The following TMEM200B variants were observed in gnomAD, a reference collection of about 807,000 sequenced individuals.
The protein encoded by TMEM200B is transmembrane protein TTMA.
TMEM200B carries 12 observed loss-of-function variants against 17.6 expected under a neutral mutation model. The observed-to-expected ratio is 0.68, with a 90% CI of 0.44 to 1.11. The LOEUF (loss-of-function observed/expected upper bound fraction) is 1.11. Ranked by LOEUF, TMEM200B falls within the 50% of genes least tolerant of loss-of-function variation. TMEM200B has a pLI of 0.00. For missense variants in TMEM200B, 456 were observed against 447.6 expected (o/e 1.02, Z -0.17); for synonymous variants, 234 against 209.2 (o/e 1.12, Z -1.02).
In TMEM200B at chr1:29,121,615, C is replaced by T; in HGVS notation, c.214G>A (p.Ala72Thr). 1.3e-6 allele frequency: 2 copies of T among 1,495,190 alleles called. No individual in the cohort carries two copies. The highest frequency in any genetic ancestry group is 1.8e-6 in the Non-Finnish European group (2 of 1,132,108). 92.6% of individuals were successfully genotyped at this position (1,495,190 alleles called of 1,614,324 possible). A position where few individuals can be genotyped will look rare whatever the true frequency, so the allele number is the denominator to read the frequency against. ...CCGGCCCGGTGCGGCCAGTAGCCGG[C>T]CACTGCAATGCCCATACCCACCAGT... ...VVLVGMGIAV[A>T]GYWPHRAGAP... Residue 72 changes from alanine (A) to threonine (T), a missense_variant, in exon 2 of 2, where the codon GCC (alanine) becomes ACC (threonine). Ala to Thr is a moderately conservative substitution (Grantham distance 58, BLOSUM62 0). Coordinates refer to ENST00000521452, the MANE Select transcript of TMEM200B (RefSeq NM_001003682.4). The surrounding 1 kb of genome is among the most constrained non-coding windows in gnomAD (Gnocchi z 5.6).
chr1:29,122,936 C>A (rs998854856), intron 1 of TMEM200B, among the ~76,000 whole-genome samples: 2 of 152,248 alleles, frequency 1.3e-5, no homozygotes, highest in African/African-American at 2.4e-5. Flanking sequence ...GAGCTGCGTG[C>A]GGTGTGGCCC....
chr1:29,121,863 TG>T lies in TMEM200B; in HGVS notation c.-20-16del. ...GTCTGGGCGCTCTGCGGAGAGAAGA[TG>T]GGAGGCAAGGACTGGACCGACGGGC... On this transcript the variant is annotated splice_polypyrimidine_tract_variant and intron_variant, in intron 1 of 1. Coordinates refer to ENST00000521452, the MANE Select transcript of TMEM200B (RefSeq NM_001003682.4). This position sits in a 1 kb window ranked among gnomAD's most constrained non-coding sequence, Gnocchi z 5.6. 7.9e-7 allele frequency: 1 copy of T among 1,260,550 alleles called. No homozygotes were observed. The allele number at this position is 1,260,550 out of a possible 1,614,324, so 78.1% of individuals were successfully genotyped here.
chr1:29,123,812 T>C (rs1213780648), intron 1 of TMEM200B, 44 bp downstream of exon 1: 1 of 151,124 alleles, frequency 6.6e-6, no homozygotes, highest in Non-Finnish European at 1.5e-5. Flanking sequence ...AACGAAAAGT[T>C]GGGAAAAGTG....
In TMEM200B at chr1:29,119,749, C is replaced by G. The variant is rs1671594202; in HGVS notation, c.*1156G>C. On this transcript the variant is annotated 3_prime_UTR_variant, in exon 2 of 2. Transcript: ENST00000521452. ...GAAATTTCTGCCCAGGATCTCAGCCCCAGGCTGGTTGTTTCTACAAATCTC... is the reference window on the plus strand; with the variant it reads ...GAAATTTCTGCCCAGGATCTCAGCCGCAGGCTGGTTGTTTCTACAAATCTC... The G allele has an allele frequency of 1.3e-5, 2 of 152,648 alleles. No homozygotes were observed. Among genetic ancestry groups the G allele is most frequent in the Non-Finnish European group, 2.9e-5 (2 of 68,052 alleles). The allele number at this position is 152,648 out of a possible 1,614,324, so 9.5% of individuals were successfully genotyped here. A position where few individuals can be genotyped will look rare whatever the true frequency, so the allele number is the denominator to read the frequency against.
Position 29,121,649 on chromosome 1 carries a change from C to T in TMEM200B, c.180G>A (p.Ala60=). 1.4e-6 allele frequency: 2 copies of T among 1,430,668 alleles called. No homozygotes were observed. The highest frequency in any genetic ancestry group is 1.8e-6 in the Non-Finnish European group (2 of 1,096,674). 88.6% of individuals were successfully genotyped at this position (1,430,668 alleles called of 1,614,324 possible). ...SPSGAFAALG[A]LVVLVGMGIA... ...TGCCCATACCCACCAGTACCACGAGCGCCCCCAGCGCCGCGAACGCCCCCG... is the reference window on the plus strand; with the variant it reads ...TGCCCATACCCACCAGTACCACGAGTGCCCCCAGCGCCGCGAACGCCCCCG... Residue 60 remains alanine, a synonymous_variant, in exon 2 of 2, where the codon GCG becomes GCA. Coordinates refer to ENST00000521452, the MANE Select transcript of TMEM200B (RefSeq NM_001003682.4). This position sits in a 1 kb window ranked among gnomAD's most constrained non-coding sequence, Gnocchi z 5.6.
In TMEM200B at chr1:29,121,776, C is replaced by A. The variant is rs1574170089; in HGVS notation, c.53G>T (p.Gly18Val). Residue 18 changes from glycine to valine, a missense_variant, in exon 2 of 2, where the codon GGC (glycine) becomes GTC (valine). Coordinates refer to ENST00000521452, the MANE Select transcript of TMEM200B (RefSeq NM_001003682.4). The surrounding 1 kb of genome is among the most constrained non-coding windows in gnomAD (Gnocchi z 5.6). ...ECGEVRRSPE[G>V]RVSRLGRRLG... ...GCGGCGGCCCAAGCGAGAGACGCGG[C>A]CCTCGGGGCTCCTCCGCACCTCCCC... is the stretch of plus-strand genomic sequence containing the variant. 8.0e-7 allele frequency: 1 copy of A among 1,247,302 alleles called. No homozygotes were observed. The allele number at this position is 1,247,302 out of a possible 1,614,324, so 77.3% of individuals were successfully genotyped here.
rs764819678 is a variant in TMEM200B, at chr1:29,121,353, G to A, written c.476C>T (p.Pro159Leu). 1.9e-5 allele frequency: 29 copies of A among 1,560,672 alleles called. No homozygotes were observed. The highest frequency in any genetic ancestry group is 5.8e-5 in the Admixed American group (3 of 51,954). Residue 159 changes from proline (P) to leucine (L), a missense_variant, in exon 2 of 2, where the codon CCC becomes CTC. Physicochemically the swap from Pro to Leu is moderately conservative, Grantham distance 98. Transcript: ENST00000521452. The surrounding 1 kb of genome is among the most constrained non-coding windows in gnomAD (Gnocchi z 5.6). Reference sequence around the variant, plus strand: ...GCAGTCCCAGCCCGGGCCGTCGGGGGGCCGGAGCGCCTGGGCCCGCAGCAC... The same window carrying A: ...GCAGTCCCAGCCCGGGCCGTCGGGGAGCCGGAGCGCCTGGGCCCGCAGCAC... The part of the protein sequence containing the change: ...QGVLRAQALR[P>L]PDGPGWDCAL...
chr1:29,121,105 CA>C lies in TMEM200B; in HGVS notation c.723del (p.Gly242AlafsTer3). 1 of 1,613,856 alleles carries C rather than the reference CA, an allele frequency of 6.2e-7. No individual in the cohort carries two copies. Among genetic ancestry groups the C allele is most frequent in the East Asian group, 2.2e-5 (1 of 44,884 alleles). Reference protein sequence around the residue: ...LPPPWGPRTQTGHVIITVQPS... With the variant: ...LPPPWGPRTQXGHVIITVQPS... ...GGCTGCACGGTGATGATCACATGGC[CA>C]GTCTGCGTCCGTGGACCCCAGGGTG... On this transcript the variant is annotated frameshift_variant, in exon 2 of 2. Coordinates refer to ENST00000521452, the MANE Select transcript of TMEM200B (RefSeq NM_001003682.4). LOFTEE classifies it high-confidence loss of function. The surrounding 1 kb of genome is among the most constrained non-coding windows in gnomAD (Gnocchi z 5.6).
intron 1 of TMEM200B, chr1:29,122,479 G>C (rs967337703): frequency 2.0e-5 from 3 of 152,352 alleles, no homozygotes; most frequent in Non-Finnish European, 4.4e-5. Flanking sequence ...GCTAGACACC[G>C]GGAAGACCGC....
In TMEM200B at chr1:29,121,472, C is replaced by G. The variant is rs1458029156; in HGVS notation, c.357G>C (p.Pro119=). 5.2e-6 allele frequency: 8 copies of G among 1,529,430 alleles called. No individual in the cohort carries two copies. Among genetic ancestry groups the G allele is most frequent in the Non-Finnish European group, 6.1e-6 (7 of 1,142,952 alleles). 94.7% of individuals were successfully genotyped at this position (1,529,430 alleles called of 1,614,324 possible). Residue 119 remains proline, a synonymous_variant, in exon 2 of 2, where the codon CCG becomes CCC. Transcript: ENST00000521452. The surrounding 1 kb of genome is among the most constrained non-coding windows in gnomAD (Gnocchi z 5.6). ...CGAACAGGCCGACGCCCATGATCAC[C>G]GGCCCGAGGAGCCGCAGCCGCTCGT... ...GPHERLRLLG[P]VIMGVGLFVF... is the part of the protein sequence containing the mutation.
rs764567074 is a variant in TMEM200B at position 29,121,782 on chromosome 1, G to C, written c.47C>G (p.Pro16Arg). The C allele has an allele frequency of 2.4e-6, 3 of 1,258,678 alleles. No individual in the cohort carries two copies. Among genetic ancestry groups the C allele is most frequent in the East Asian group, 6.0e-5 (2 of 33,304 alleles). 78.0% of individuals were successfully genotyped at this position (1,258,678 alleles called of 1,614,324 possible). ...PEECGEVRRS[P>R]EGRVSRLGRR... is the part of the protein sequence containing the mutation. The stretch of plus-strand genomic sequence containing the variant: ...GCCCAAGCGAGAGACGCGGCCCTCG[G>C]GGCTCCTCCGCACCTCCCCGCATTC... The change falls in exon 2 of 2, where the codon CCC becomes CGC. Residue 16 changes from proline (P) to arginine (R), a missense_variant. Transcript: ENST00000521452. The surrounding 1 kb of genome is among the most constrained non-coding windows in gnomAD (Gnocchi z 5.6).
chr1:29,121,019 AAGG>A lies in TMEM200B; in HGVS notation c.807_809del (p.Leu270del). ...CACAGTCCCGAGCTGCTGGGGCCCC[AAGG>A]AGGAGCTCCCCAAGGCCCAGATCCA... On this transcript the variant is annotated inframe_deletion, in exon 2 of 2. Coordinates refer to ENST00000521452, the MANE Select transcript of TMEM200B (RefSeq NM_001003682.4). This position sits in a 1 kb window ranked among gnomAD's most constrained non-coding sequence, Gnocchi z 5.6. The A allele has an allele frequency of 1.2e-6, 2 of 1,613,654 alleles. No homozygotes were observed. The highest frequency in any genetic ancestry group is 1.7e-6 in the Non-Finnish European group (2 of 1,180,000).
rs1441411853 is a variant in TMEM200B at position 29,120,269 on chromosome 1, G to A, written c.*636C>T. 7 of 152,774 alleles carry A rather than the reference G, an allele frequency of 4.6e-5. No individual in the cohort carries two copies. Among genetic ancestry groups the A allele is most frequent in the Non-Finnish European group, 7.3e-5 (5 of 68,122 alleles). The allele number at this position is 152,774 out of a possible 1,614,324, so 9.5% of individuals were successfully genotyped here. On this transcript the variant is annotated 3_prime_UTR_variant, in exon 2 of 2. Transcript: ENST00000521452. ...AGCATAGGCCACGATAAAGGAAGGA[G>A]AGAAGGGGCTTCTCAGACTTATTTG...
chr1:29,122,421 T>A (rs1671852525), intron 1 of TMEM200B: 1 of 152,682 alleles, frequency 6.5e-6, no homozygotes, highest in Non-Finnish European at 1.5e-5. Flanking sequence ...CGCCCCCTCC[T>A]TCCAGACCTC....
Position 29,120,816 on chromosome 1 carries a change from A to G in TMEM200B, c.*89T>C. The G allele has an allele frequency of 7.0e-7, 1 of 1,418,838 alleles. No homozygotes were observed. The highest frequency in any genetic ancestry group is 1.4e-5 in the African/African-American group (1 of 69,342). 87.9% of individuals were successfully genotyped at this position (1,418,838 alleles called of 1,614,324 possible). A position where few individuals can be genotyped will look rare whatever the true frequency, so the allele number is the denominator to read the frequency against. ...CATCCCCAGCCTGGGATGTGACTGA[A>G]ACATCTATTAGACGTTGGGACTCCT... On this transcript the variant is annotated 3_prime_UTR_variant, in exon 2 of 2. Coordinates refer to ENST00000521452, the MANE Select transcript of TMEM200B (RefSeq NM_001003682.4).
intron 1 of TMEM200B, 68 bp downstream of exon 1, chr1:29,123,772 CGAGGGAGGGAGGGAGG>C (rs35689224): frequency 2.7e-5 from 4 of 146,778 alleles, no homozygotes; most frequent in Non-Finnish European, 4.5e-5. Flanking sequence ...GGGCCCTGAC[CGAGGGAGGGAGGGAGG>C]GAGGGAGGGA....
At position 29,119,956 on chromosome 1, in the gene TMEM200B, G is replaced by T. The variant is rs371854069; in HGVS notation, c.*949C>A. ...ATCAAGTCTGCTGTTTTGGCCTTTC[G>T]TAGTAGAAGTGGTTGTAGTGTTTAG... On this transcript the variant is annotated 3_prime_UTR_variant, in exon 2 of 2. Coordinates refer to ENST00000521452, the MANE Select transcript of TMEM200B (RefSeq NM_001003682.4). The T allele has an allele frequency of 6.6e-6, 1 of 152,578 alleles. No homozygotes were observed. The highest frequency in any genetic ancestry group is 2.4e-5 in the African/African-American group (1 of 41,424). 9.5% of individuals were successfully genotyped at this position (152,578 alleles called of 1,614,324 possible).
Position 29,121,337 on chromosome 1 carries a change from G to C in TMEM200B, c.492C>G (p.Gly164=). ...AQALRPPDGP[G]WDCALLPSPG... Reference sequence around the variant, plus strand: ...GGCTGGGAAGGAGGGCGCAGTCCCAGCCCGGGCCGTCGGGGGGCCGGAGCG... The same window carrying C: ...GGCTGGGAAGGAGGGCGCAGTCCCACCCCGGGCCGTCGGGGGGCCGGAGCG... The change falls in exon 2 of 2, where the codon GGC becomes GGG. Residue 164 remains glycine (G), a synonymous_variant. Transcript: ENST00000521452. This position sits in a 1 kb window ranked among gnomAD's most constrained non-coding sequence, Gnocchi z 5.6. 6.3e-7 allele frequency: 1 copy of C among 1,575,512 alleles called. No homozygotes were observed. Among genetic ancestry groups the C allele is most frequent in the East Asian group, 2.3e-5 (1 of 42,848 alleles).
At position 29,121,393 on chromosome 1, in the gene TMEM200B, G is replaced by A. The variant is rs1671771447; in HGVS notation, c.436C>T (p.Arg146Trp). The A allele has an allele frequency of 1.7e-5, 27 of 1,544,106 alleles. No individual in the cohort carries two copies. Among genetic ancestry groups the A allele is most frequent in the Non-Finnish European group, 2.4e-5 (27 of 1,148,200 alleles). Residue 146 changes from arginine to tryptophan, a missense_variant, in exon 2 of 2, where the codon CGG becomes TGG. Transcript: ENST00000521452. This position sits in a 1 kb window ranked among gnomAD's most constrained non-coding sequence, Gnocchi z 5.6. ...LYENRDLETRRLRQGVLRAQA... is the reference protein window; with the variant it reads ...LYENRDLETRWLRQGVLRAQA... ...GCCCGCAGCACCCCCTGGCGGAGCC[G>A]TCGCGTCTCCAAGTCTCGGTTCTCA...
Sources: allele counts gnomAD v4.1 joint callset (sites outside exome capture counted in the v4.1 genomes callset), GRCh38; gene constraint gnomAD v4.1.1; non-coding constraint Gnocchi (gnomAD v3.1); transcripts MANE v1.5; gene names NCBI Gene and HGNC (gene_info 2026-07-23, HGNC 2026-07-21).